The following SRRM4 variants were observed in gnomAD, a reference collection of about 807,000 sequenced individuals.
SRRM4 encodes the protein serine/arginine repetitive matrix protein 4.
A neutral mutation model predicts 68.9 loss-of-function variants in SRRM4; 33 were observed. The ratio of observed to expected loss-of-function variants is 0.48; its 90% CI spans 0.36 to 0.64. The LOEUF is 0.64. Among genes scored for constraint, SRRM4 ranks in the 30% least tolerant of loss-of-function variants. SRRM4 has a pLI of 0.00. For missense variants in SRRM4, 817 were observed against 827.1 expected, an observed-to-expected ratio of 0.99 and a Z score of 0.15; for synonymous variants, 318 against 318.8, an observed-to-expected ratio of 1.00 and a Z score of 0.03.
At chr12:119,089,365 G>T (rs1954000013) in intron 1 of SRRM4, among the ~76,000 whole-genome samples, 1 of 152,184 alleles carries the variant, frequency 6.6e-6, no homozygotes, top group Admixed American at 6.5e-5. Flanking sequence ...TTAAAAGGCA[G>T]ATAAAAGTCC....
chr12:119,057,524 C>T (rs1020712330), intron 1 of SRRM4, among the ~76,000 whole-genome samples: 15 of 152,210 alleles, frequency 9.9e-5, no homozygotes, highest in African/African-American at 3.6e-4. Flanking sequence ...AGGACATTAT[C>T]TTGTTCCATT....
intron 1 of SRRM4, among the ~76,000 whole-genome samples, chr12:119,059,157 G>A (rs1295220086): frequency 6.6e-6 from 1 of 152,070 alleles, no homozygotes; most frequent in Non-Finnish European, 1.5e-5. Flanking sequence ...AAGAAATATT[G>A]ATTCTACCAA....
chr12:119,028,292 C>T (rs1953562186), intron 1 of SRRM4, among the ~76,000 whole-genome samples: 1 of 152,090 alleles, frequency 6.6e-6, no homozygotes, highest in Non-Finnish European at 1.5e-5. Context: ...TTGACTGTGT[C>T]CCCACCCAAA....
chr12:119,030,380 A>G (rs1158824461), intron 1 of SRRM4, among the ~76,000 whole-genome samples: 1 of 152,210 alleles, frequency 6.6e-6, no homozygotes, highest in African/African-American at 2.4e-5. Flanking sequence ...CTGTAAGCCC[A>G]GGAAATCAGG....
intron 1 of SRRM4, among the ~76,000 whole-genome samples, chr12:119,036,322 C>A (rs1050268877): frequency 3.3e-5 from 5 of 152,188 alleles, no homozygotes; most frequent in Admixed American, 1.3e-4. Flanking sequence ...TGATAGCCCG[C>A]TCTGGCTTCC....
intron 8 of SRRM4, among the ~76,000 whole-genome samples, chr12:119,144,023 C>T (rs1954384748): frequency 6.6e-6 from 1 of 152,226 alleles, no homozygotes; most frequent in South Asian, 2.1e-4. Flanking sequence ...TTTAAAGAAA[C>T]CCCTCGCCAT....
At chr12:119,083,593 T>C (rs558215882) in intron 1 of SRRM4, among the ~76,000 whole-genome samples, 1 of 152,234 alleles carries the variant, frequency 6.6e-6, no homozygotes, top group Admixed American at 6.5e-5. Flanking sequence ...CCCAATGTCC[T>C]TACCAGAGCA....
At chr12:119,110,070 T>A (rs967170510) in intron 2 of SRRM4, among the ~76,000 whole-genome samples, 1 of 152,202 alleles carries the variant, frequency 6.6e-6, no homozygotes, top group Non-Finnish European at 1.5e-5. Context: ...TGCAGGTCTG[T>A]TGGAGTTTGC....
chr12:119,040,419 G>T (rs1479632270), intron 1 of SRRM4, among the ~76,000 whole-genome samples: 1 of 152,098 alleles, frequency 6.6e-6, no homozygotes, highest in Non-Finnish European at 1.5e-5. Flanking sequence ...TCATAGCTTA[G>T]CTCCCACATA....
At chr12:119,125,544 A>G (rs1954253046) in intron 7 of SRRM4, 65 bp downstream of exon 7, 2 of 1,433,976 alleles carry the variant, frequency 1.4e-6, no homozygotes, top group East Asian at 4.7e-5. Flanking sequence ...GACACTGTTA[A>G]CACTAGCTTC....
rs559413155 is a variant in SRRM4, at chr12:119,067,130, C to G, written c.132-35106C>G. ...AGTCACTGCTTTTGCGTGTCCACCC[C>G]AAATTATCCACTTTCCTTCATTTTT... On this transcript the variant is annotated intron_variant, in intron 1 of 12. Transcript: ENST00000267260. 1.5e-3 allele frequency among the ~76,000 whole-genome samples: 212 copies of G among 145,724 alleles called. 1 individual carries two copies. Among genetic ancestry groups the G allele is most frequent in the African/African-American group, 5.1e-3 (201 of 39,706 alleles).
At chr12:119,130,857 T>A (rs375926015) in intron 8 of SRRM4, 23 bp downstream of exon 8, 441 of 1,596,368 alleles carry the variant, frequency 2.8e-4, no homozygotes, top group Non-Finnish European at 3.5e-4. Flanking sequence ...CACAGCCTCC[T>A]CTGCCAGCCT....
chr12:118,997,717 G>A (rs540500446), intron 1 of SRRM4, among the ~76,000 whole-genome samples: 4 of 152,302 alleles, frequency 2.6e-5, no homozygotes, highest in Admixed American at 2.6e-4. Flanking sequence ...GGAAAATATA[G>A]AGAGAGGGAA....
intron 8 of SRRM4, among the ~76,000 whole-genome samples, chr12:119,142,548 C>T (rs1187958295): frequency 2.6e-5 from 4 of 152,174 alleles, no homozygotes; most frequent in Non-Finnish European, 4.4e-5. Context: ...AAATGAAATT[C>T]GTAGTCAAGA....
At chr12:119,115,784 T>G (rs1165146655) in intron 3 of SRRM4, among the ~76,000 whole-genome samples, 2 of 152,342 alleles carry the variant, frequency 1.3e-5, no homozygotes, top group East Asian at 3.9e-4. Context: ...AGCATGTGTC[T>G]GGGGACAAAT....
At chr12:118,988,440 G>A (rs949099298) in intron 1 of SRRM4, among the ~76,000 whole-genome samples, 1 of 152,192 alleles carries the variant, frequency 6.6e-6, no homozygotes, top group Admixed American at 6.5e-5. Flanking sequence ...ACATTTTCCA[G>A]CTCAAGGATG....
At chr12:119,136,876 G>A (rs1251061579) in intron 8 of SRRM4, among the ~76,000 whole-genome samples, 1 of 151,944 alleles carries the variant, frequency 6.6e-6, no homozygotes, top group East Asian at 1.9e-4. Flanking sequence ...CCTACCAAAG[G>A]TTCAATGCAG....
rs183960784 is a variant in SRRM4 at position 119,019,457 on chromosome 12, C to G, written c.131+37444C>G. ...GCTTCCCAGGGCTTGAATTCCCCCCCTCAAGCATTTCCCCTCCACCCACTC... is the reference window on the plus strand; with the variant it reads ...GCTTCCCAGGGCTTGAATTCCCCCCGTCAAGCATTTCCCCTCCACCCACTC... On this transcript the variant is annotated intron_variant, in intron 1 of 12. Transcript: ENST00000267260. Among the ~76,000 whole-genome samples, 21 of 152,206 alleles carry G rather than the reference C, an allele frequency of 1.4e-4. No homozygotes were observed. In the East Asian group the frequency reaches 3.7e-3, roughly 27 times the overall value.
chr12:119,050,549 G>A (rs1033592688), intron 1 of SRRM4, among the ~76,000 whole-genome samples: 1 of 152,242 alleles, frequency 6.6e-6, no homozygotes, highest in Non-Finnish European at 1.5e-5. Context: ...GGAACTTGCA[G>A]CAGAGTGTAA....
Sources: gnomAD v4.1 joint callset for allele counts (sites outside exome capture counted in the v4.1 genomes callset) on GRCh38, gnomAD v4.1.1 for gene constraint, MANE v1.5 for transcripts, NCBI Gene and HGNC (gene_info 2026-07-23, HGNC 2026-07-21) for gene names.